LRRTM4: variants seen among roughly 807,000 people sequenced by gnomAD.
LRRTM4 encodes leucine-rich repeat transmembrane neuronal protein 4.
In LRRTM4, 25 loss-of-function variants were observed where a neutral mutation model predicts 47.6. That is an observed-to-expected ratio of 0.53 (90% CI 0.38 to 0.73). The LOEUF is 0.73. LRRTM4 is among the 30% of genes least tolerant of loss of function. The probability of loss-of-function intolerance (pLI) is 0.00; values close to 1 mark genes in which losing one functional copy is unlikely to be tolerated. For missense variants in LRRTM4, 638 were observed against 713.4 expected (o/e 0.89, Z 1.20); for synonymous variants, 311 against 269.5 (o/e 1.15, Z -1.51).
At chr2:77,277,131 G>A (rs77905751) in intron 3 of LRRTM4, among the ~76,000 whole-genome samples, 7,921 of 152,012 alleles carry the variant, frequency 0.052, 643 homozygotes, top group African/African-American at 0.18. Flanking sequence ...ATGATTTTCT[G>A]TAATGTGCCA....
intron 3 of LRRTM4, among the ~76,000 whole-genome samples, chr2:76,902,667 T>C (rs1280782607): frequency 1.3e-5 from 2 of 152,192 alleles, no homozygotes; most frequent in Non-Finnish European, 2.9e-5. Context: ...AGGTATTGTG[T>C]ACATTAGTAA....
chr2:77,435,084 A>G (rs1675537681), intron 3 of LRRTM4, among the ~76,000 whole-genome samples: 1 of 151,924 alleles, frequency 6.6e-6, no homozygotes, highest in Admixed American at 6.6e-5. Context: ...TCTGCCCACT[A>G]GATGCCAGTA....
At chr2:76,944,777 AT>A (rs1452351797) in intron 3 of LRRTM4, among the ~76,000 whole-genome samples, 3 of 152,078 alleles carry the variant, frequency 2.0e-5, no homozygotes, top group African/African-American at 7.2e-5. Flanking sequence ...CCCAAAGTTC[AT>A]TTTAGATTAA....
chr2:76,903,232 A>C (rs1673702908), intron 3 of LRRTM4, among the ~76,000 whole-genome samples: 1 of 151,822 alleles, frequency 6.6e-6, no homozygotes, highest in Admixed American at 6.6e-5. Context: ...AAAATAAAAA[A>C]AGAAAAACAA....
intron 3 of LRRTM4, among the ~76,000 whole-genome samples, chr2:76,854,421 C>G (rs919212641): frequency 6.6e-6 from 1 of 152,142 alleles, no homozygotes; most frequent in East Asian, 1.9e-4. Context: ...ATCTTTCAAT[C>G]AGAAGTAACA....
intron 3 of LRRTM4, among the ~76,000 whole-genome samples, chr2:76,821,181 A>C (rs1671043967): frequency 6.6e-6 from 1 of 151,706 alleles, no homozygotes; most frequent in South Asian, 2.1e-4. Flanking sequence ...TGTGGCATAT[A>C]ATGTGTGATA....
intron 3 of LRRTM4, among the ~76,000 whole-genome samples, chr2:77,484,494 T>A (rs1185947250): frequency 6.6e-6 from 1 of 152,230 alleles, no homozygotes; most frequent in East Asian, 1.9e-4. Context: ...AGATTTGAGA[T>A]TTGTCTGTGG....
At chr2:77,278,498 T>C (rs1676425824) in intron 3 of LRRTM4, among the ~76,000 whole-genome samples, 1 of 151,838 alleles carries the variant, frequency 6.6e-6, no homozygotes. Flanking sequence ...GAATAAGAGA[T>C]TAAGTTTGCC....
intron 3 of LRRTM4, among the ~76,000 whole-genome samples, chr2:77,277,880 T>C (rs1573185132): frequency 6.6e-6 from 1 of 152,022 alleles, no homozygotes. Flanking sequence ...ACTGCAGCTA[T>C]TCATTTCATA....
intron 3 of LRRTM4, among the ~76,000 whole-genome samples, chr2:76,953,770 T>C (rs1478402725): frequency 6.6e-6 from 1 of 151,962 alleles, no homozygotes; most frequent in Non-Finnish European, 1.5e-5. Context: ...AATGTGCATC[T>C]GATATTCAGC....
chr2:77,132,625 C>T (rs1308748352), intron 3 of LRRTM4, among the ~76,000 whole-genome samples: 5 of 152,146 alleles, frequency 3.3e-5, no homozygotes, highest in South Asian at 2.1e-4. Context: ...AGAGGGGACA[C>T]GTGCTGTGTC....
intron 3 of LRRTM4, among the ~76,000 whole-genome samples, chr2:77,408,954 T>A (rs1674317141): frequency 6.6e-6 from 1 of 152,226 alleles, no homozygotes. Flanking sequence ...TTATTGAGAC[T>A]ATATCATAAT....
intron 3 of LRRTM4, among the ~76,000 whole-genome samples, chr2:77,448,140 G>A (rs1676124839): frequency 6.6e-6 from 1 of 152,148 alleles, no homozygotes; most frequent in Non-Finnish European, 1.5e-5. Flanking sequence ...TAGAAAGTAG[G>A]ACGTGTACCA....
chr2:77,062,134 C>G (rs1383648735), intron 3 of LRRTM4, among the ~76,000 whole-genome samples: 1 of 152,102 alleles, frequency 6.6e-6, no homozygotes, highest in African/African-American at 2.4e-5. Context: ...GGGAAAGATC[C>G]ACTTTTTCTT....
chr2:77,424,772 A>T (rs1675041002), intron 3 of LRRTM4, among the ~76,000 whole-genome samples: 1 of 152,222 alleles, frequency 6.6e-6, no homozygotes, highest in Non-Finnish European at 1.5e-5. Context: ...AACTTGAGGA[A>T]ATTCCAGCCT....
rs61462161 is a variant in LRRTM4 at position 76,785,489 on chromosome 2, G to C, written c.1552-36573C>G. Among the ~76,000 whole-genome samples, 220 of 152,206 alleles carry C rather than the reference G, an allele frequency of 1.4e-3. 1 individual carries two copies. The highest frequency in any genetic ancestry group is 5.1e-3 in the African/African-American group (210 of 41,550). On this transcript the variant is annotated intron_variant, in intron 3 of 3. Transcript: ENST00000409884. ...ATAGAAAAGCAGATCATATGGGTAC[G>C]TCAGTCTCTAATCAACTTTTTAGTG...
At chr2:77,210,602 A>G (rs1469702948) in intron 3 of LRRTM4, among the ~76,000 whole-genome samples, 1 of 152,074 alleles carries the variant, frequency 6.6e-6, no homozygotes, top group Non-Finnish European at 1.5e-5. Flanking sequence ...CTCTGTTGCC[A>G]TCACCGTGGG....
chr2:77,054,551 A>G (rs1369693101), intron 3 of LRRTM4, among the ~76,000 whole-genome samples: 2 of 152,236 alleles, frequency 1.3e-5, no homozygotes, highest in African/African-American at 2.4e-5. Flanking sequence ...TGGAGTAAAC[A>G]TAGCTAAATA....
At position 76,849,217 on chromosome 2, in the gene LRRTM4, G is replaced by T. The variant is rs189772416; in HGVS notation, c.1552-100301C>A. On this transcript the variant is annotated intron_variant, in intron 3 of 3. Coordinates refer to ENST00000409884, the MANE Select transcript of LRRTM4 (RefSeq NM_001134745.3). The stretch of plus-strand genomic sequence containing the variant: ...TGCAGAGAAGAGAAAAGAAAAGTAG[G>T]TTGAGCCAAGGAAGGGCAATCATCT... Among the ~76,000 whole-genome samples, 349 of 152,174 alleles carry T rather than the reference G, an allele frequency of 2.3e-3. 2 individuals are homozygous for T. The highest frequency in any genetic ancestry group is 8.3e-3 in the African/African-American group (346 of 41,540).
Sources: gnomAD v4.1 joint callset for allele counts (sites outside exome capture counted in the v4.1 genomes callset) on GRCh38, gnomAD v4.1.1 for gene constraint, MANE v1.5 for transcripts, NCBI Gene and HGNC (gene_info 2026-07-23, HGNC 2026-07-21) for gene names.